The following STK10 variants were observed in gnomAD, a reference collection of about 807,000 sequenced individuals.
The protein encoded by STK10 is serine/threonine-protein kinase 10.
STK10 carries 78 observed loss-of-function variants against 113.8 expected under a neutral mutation model. The ratio of observed to expected loss-of-function variants is 0.69; its 90% confidence interval spans 0.57 to 0.83. The LOEUF (loss-of-function observed/expected upper bound fraction) is 0.83. STK10 is among the 40% of genes least tolerant of loss of function. The probability of loss-of-function intolerance (pLI) is 0.00; values close to 1 mark genes in which losing one functional copy is unlikely to be tolerated. For synonymous variants in STK10, 465 were observed against 494.7 expected, an observed-to-expected ratio of 0.94 and a Z score of 0.80; for missense variants, 1,109 against 1,280.1, an observed-to-expected ratio of 0.87 and a Z score of 2.04.
intron 1 of STK10, among the ~76,000 whole-genome samples, chr5:172,181,480 ATTTT>A (rs1770854502): frequency 7.0e-6 from 1 of 143,774 alleles, no homozygotes. Context: ...TATTTAATTT[ATTTT>A]AATTTTTTTT....
At chr5:172,121,900 C>T (rs1016583619) in intron 3 of STK10, among the ~76,000 whole-genome samples, 2 of 148,610 alleles carry the variant, frequency 1.3e-5, no homozygotes, top group African/African-American at 5.0e-5. Context: ...GACGACGTCT[C>T]TGTCACCCAG....
intron 2 of STK10, among the ~76,000 whole-genome samples, chr5:172,140,827 G>A (rs372315578): frequency 1.3e-5 from 2 of 152,070 alleles, no homozygotes; most frequent in Non-Finnish European, 2.9e-5. Context: ...CATGTTCATC[G>A]CAGCACTATT....
At chr5:172,056,824 A>C (rs2113694142) in intron 15 of STK10, among the ~76,000 whole-genome samples, 1 of 150,660 alleles carries the variant, frequency 6.6e-6, no homozygotes, top group East Asian at 2.0e-4. Context: ...CAGTGAGCCT[A>C]GATGGCGCCA....
At chr5:172,128,911 A>G (rs1561818432) in intron 2 of STK10, among the ~76,000 whole-genome samples, 1 of 152,186 alleles carries the variant, frequency 6.6e-6, no homozygotes, top group African/African-American at 2.4e-5. Context: ...TGAAGCCTCC[A>G]GTTTGTGGCT....
At chr5:172,118,795 C>G (rs1769441587) in intron 3 of STK10, among the ~76,000 whole-genome samples, 1 of 149,828 alleles carries the variant, frequency 6.7e-6, no homozygotes, top group African/African-American at 2.5e-5. Context: ...AGGAGAATCG[C>G]TTGACCCCAG....
In STK10 at chr5:172,082,559, G is replaced by A; in HGVS notation, c.1810-54C>T. The A allele has an allele frequency of 1.3e-6, 2 of 1,516,466 alleles. No homozygotes were observed. The highest frequency in any genetic ancestry group is 8.8e-7 in the Non-Finnish European group (1 of 1,132,446). The allele number at this position is 1,516,466 out of a possible 1,614,324, so 93.9% of individuals were successfully genotyped here. On this transcript the variant is annotated intron_variant, in intron 11 of 18. Transcript: ENST00000176763. This position sits in a 1 kb window ranked among gnomAD's most constrained non-coding sequence, Gnocchi z 4.3. ...TAGCGAAGTCACTTTATACCTGGGA[G>A]GGACATGGGAAGTGGAATGGGGAGA...
chr5:172,107,822 T>C lies in STK10; in HGVS notation c.551A>G (p.Lys184Arg). 1 of 1,614,188 alleles carries C rather than the reference T, an allele frequency of 6.2e-7. No homozygotes were observed. Among genetic ancestry groups the C allele is most frequent in the Non-Finnish European group, 8.5e-7 (1 of 1,180,024 alleles). ...GAAGGAATCTCGTTTCTGTAGAGTCTTCAGATTCTTGGCAGACACACCAAA... is the reference window on the plus strand; with the variant it reads ...GAAGGAATCTCGTTTCTGTAGAGTCCTCAGATTCTTGGCAGACACACCAAA... ...ADFGVSAKNL[K>R]TLQKRDSFIG... Residue 184 changes from lysine to arginine, a missense_variant, in exon 5 of 19, where the codon AAG becomes AGG. Coordinates refer to ENST00000176763, the MANE Select transcript of STK10 (RefSeq NM_005990.4).
chr5:172,184,940 C>A (rs756478329), intron 1 of STK10, among the ~76,000 whole-genome samples: 6 of 152,260 alleles, frequency 3.9e-5, no homozygotes, highest in African/African-American at 1.4e-4. Flanking sequence ...GGATTACAGG[C>A]GTGAGCCACA....
chr5:172,131,056 C>G (rs1239878115), intron 2 of STK10, among the ~76,000 whole-genome samples: 3 of 95,324 alleles, frequency 3.1e-5, no homozygotes, highest in African/African-American at 1.4e-4. Context: ...TTTTTTTTGA[C>G]AGAGTCTCAC....
chr5:172,056,054 A>G (rs1767746493), intron 15 of STK10, among the ~76,000 whole-genome samples: 1 of 152,258 alleles, frequency 6.6e-6, no homozygotes, highest in South Asian at 2.1e-4. Flanking sequence ...TCTCAAAGCA[A>G]AATGTACACG....
chr5:172,175,789 C>A (rs1770748353), intron 1 of STK10, among the ~76,000 whole-genome samples: 1 of 152,178 alleles, frequency 6.6e-6, no homozygotes, highest in Non-Finnish European at 1.5e-5. Flanking sequence ...GAGACACGCT[C>A]CTGGCCAGAA....
rs752005132 is a variant in STK10 at position 172,156,694 on chromosome 5, A to C, written c.251T>G (p.Ile84Ser). ...ELEDYIVEIE[I>S]LATCDHPYIV... Reference sequence around the variant, plus strand: ...GTAGGGGTGGTCGCAGGTGGCCAGGATCTCAATCTCCACGATGTAGTCCTC... The same window carrying C: ...GTAGGGGTGGTCGCAGGTGGCCAGGCTCTCAATCTCCACGATGTAGTCCTC... The change falls in exon 2 of 19, where the codon ATC becomes AGC. Residue 84 changes from isoleucine to serine, a missense_variant. Physicochemically the swap from Ile to Ser is moderately radical, Grantham distance 142. Coordinates refer to ENST00000176763, the MANE Select transcript of STK10 (RefSeq NM_005990.4). The C allele has an allele frequency of 2.5e-6, 4 of 1,614,162 alleles. No individual in the cohort carries two copies. In the South Asian group the frequency reaches 4.4e-5, roughly 18 times the overall value.
At chr5:172,165,769 T>C (rs1770558851) in intron 1 of STK10, among the ~76,000 whole-genome samples, 2 of 134,568 alleles carry the variant, frequency 1.5e-5, no homozygotes, top group South Asian at 4.7e-4. Flanking sequence ...TGGGTGGCTC[T>C]TTAAATTTGT....
At chr5:172,140,505 TG>T (rs1769951773) in intron 2 of STK10, among the ~76,000 whole-genome samples, 1 of 152,206 alleles carries the variant, frequency 6.6e-6, no homozygotes, top group Non-Finnish European at 1.5e-5. Flanking sequence ...GAGACCAGCC[TG>T]GCCAACATGG....
At chr5:172,182,155 T>A (rs907491710) in intron 1 of STK10, among the ~76,000 whole-genome samples, 4 of 151,408 alleles carry the variant, frequency 2.6e-5, no homozygotes, top group Non-Finnish European at 5.9e-5. Flanking sequence ...ATACAAAAAT[T>A]AGCCGGGTGT....
intron 15 of STK10, chr5:172,056,995 G>GAAAGAAAGAAAGAGAGAGAAAGAA (rs1157626941): frequency 4.3e-5 from 3 of 69,684 alleles, no homozygotes; most frequent in African/African-American, 1.2e-4. Context: ...AAGAAAGAAA[G>GAAAGAAAGAAAGAGAGAGAAAGAA]AGAAAGAAGG....
intron 12 of STK10, among the ~76,000 whole-genome samples, chr5:172,071,237 A>G (rs1461231370): frequency 1.4e-5 from 2 of 140,300 alleles, no homozygotes; most frequent in Non-Finnish European, 1.5e-5. Flanking sequence ...AAAAAAAAAA[A>G]AAAAGAAATA....
At chr5:172,178,410 C>A (rs1023965639) in intron 1 of STK10, among the ~76,000 whole-genome samples, 1 of 152,174 alleles carries the variant, frequency 6.6e-6, no homozygotes, top group South Asian at 2.1e-4. Context: ...GAAGCTTCCC[C>A]GCTCTCGGCT....
intron 4 of STK10, among the ~76,000 whole-genome samples, chr5:172,113,293 G>A (rs1406291665): frequency 6.6e-6 from 1 of 152,092 alleles, no homozygotes; most frequent in Non-Finnish European, 1.5e-5. Flanking sequence ...CCAACTCACT[G>A]CACACACCCA....
Sources: allele counts gnomAD v4.1 joint callset (sites outside exome capture counted in the v4.1 genomes callset), GRCh38; gene constraint gnomAD v4.1.1; non-coding constraint Gnocchi (gnomAD v3.1); transcripts MANE v1.5; gene names NCBI Gene and HGNC (gene_info 2026-07-23, HGNC 2026-07-21).